The following C22orf42 variants were observed in gnomAD, a reference collection of about 807,000 sequenced individuals.
C22orf42 encodes the protein uncharacterized protein C22orf42.
In C22orf42, 24 loss-of-function variants were observed where a neutral mutation model predicts 31.4. That is an observed-to-expected ratio of 0.77 (90% CI 0.55 to 1.08). The LOEUF (loss-of-function observed/expected upper bound fraction) is 1.08, where lower values mean the gene tolerates loss of function less well. C22orf42 is among the 50% of genes least tolerant of loss of function. The pLI is 0.00. For synonymous variants in C22orf42, 96 were observed against 112.7 expected, an observed-to-expected ratio of 0.85 and a Z score of 0.94; for missense variants, 276 against 327.3, an observed-to-expected ratio of 0.84 and a Z score of 1.21.
In C22orf42 at chr22:32,149,632, A is replaced by T; in HGVS notation, c.683-19T>A. On this transcript the variant is annotated intron_variant, in intron 8 of 8. Transcript: ENST00000382097. ...ACCCAGCCTAGGGGAAAAGAACAAGACTTCATCTCAAAAAAAAAATATATA... is the reference window on the plus strand; with the variant it reads ...ACCCAGCCTAGGGGAAAAGAACAAGTCTTCATCTCAAAAAAAAAATATATA... 1 of 1,417,558 alleles carries T rather than the reference A, an allele frequency of 7.1e-7. No homozygotes were observed. The highest frequency in any genetic ancestry group is 9.2e-7 in the Non-Finnish European group (1 of 1,082,070). The allele number at this position is 1,417,558 out of a possible 1,614,324, so 87.8% of individuals were successfully genotyped here. A position where few individuals can be genotyped will look rare whatever the true frequency, so the allele number is the denominator to read the frequency against.
intron 1 of C22orf42, 34 bp from the exon 2 acceptor site, chr22:32,154,352 G>C (rs759014837): frequency 1.0e-5 from 16 of 1,605,096 alleles, no homozygotes; most frequent in Non-Finnish European, 1.4e-5. Flanking sequence ...ATAGATTCTA[G>C]GAAATGTATT....
chr22:32,160,305 T>G (rs369745594), upstream of C22orf42: 5 of 152,212 alleles, frequency 3.3e-5, no homozygotes, highest in East Asian at 7.7e-4. Flanking sequence ...AGATTAGTAT[T>G]TTTTTTAAAG....
upstream of C22orf42, chr22:32,159,579 C>A (rs62238970): frequency 5.1e-3 from 4,062 of 789,034 alleles, 13 homozygotes; most frequent in Middle Eastern, 9.8e-3. Context: ...GGGCAATGAA[C>A]TCAATAGAAA....
In C22orf42 at chr22:32,149,422, T is replaced by C. The variant is rs1280758299; in HGVS notation, c.*118A>G. ...ACTGCAGGTCACTGTTCACAGGTGCTCAGTAGGAAGAGAGAGAGGCTTGTG... is the reference window on the plus strand; with the variant it reads ...ACTGCAGGTCACTGTTCACAGGTGCCCAGTAGGAAGAGAGAGAGGCTTGTG... On this transcript the variant is annotated 3_prime_UTR_variant, in exon 9 of 9. Coordinates refer to ENST00000382097, the MANE Select transcript of C22orf42 (RefSeq NM_001010859.3). 1 of 1,224,642 alleles carries C rather than the reference T, an allele frequency of 8.2e-7. No individual in the cohort carries two copies. Among genetic ancestry groups the C allele is most frequent in the African/African-American group, 1.5e-5 (1 of 65,582 alleles). 75.9% of individuals were successfully genotyped at this position (1,224,642 alleles called of 1,614,324 possible).
rs1280161631 is a variant in C22orf42 at position 32,151,501 on chromosome 22, T to C, written c.451A>G (p.Ile151Val). ...ATACATCTTACAATATCTGACGTTA[T>C]ATTCTCCTCCACACCGCCGTGTGCA... Reference protein sequence around the residue: ...VSAHGGVEENITSDIEISEAK... With the variant: ...VSAHGGVEENVTSDIEISEAK... The change falls in exon 5 of 9, where the codon ATA becomes GTA. Residue 151 changes from isoleucine to valine, a missense_variant. By Grantham distance (29) the Ile-to-Val change is conservative (BLOSUM62 3). Transcript: ENST00000382097. 6 of 1,613,790 alleles carry C rather than the reference T, an allele frequency of 3.7e-6. No homozygotes were observed. Among genetic ancestry groups the C allele is most frequent in the Non-Finnish European group, 3.4e-6 (4 of 1,179,644 alleles).
intron 5 of C22orf42, among the ~76,000 whole-genome samples, chr22:32,151,231 A>G (rs571317867): frequency 4.4e-4 from 67 of 152,126 alleles, no homozygotes; most frequent in African/African-American, 1.5e-3. Flanking sequence ...TGGCAAATAC[A>G]AAATTATTTT....
intron 7 of C22orf42, 39 bp from the exon 8 acceptor site, chr22:32,149,819 C>G (rs1339720331): frequency 2.0e-6 from 3 of 1,466,676 alleles, no homozygotes; most frequent in Non-Finnish European, 2.7e-6. Context: ...AGGATCGGAT[C>G]ATGCTGGGCC....
chr22:32,152,398 C>T (rs1921011948), intron 3 of C22orf42, among the ~76,000 whole-genome samples, 164 bp downstream of exon 3: 2 of 152,194 alleles, frequency 1.3e-5, no homozygotes, highest in Admixed American at 1.3e-4. Flanking sequence ...CGGCCATCGT[C>T]AATCAGGCCT....
In C22orf42 at chr22:32,152,838, C is replaced by G. The variant is rs143520143; in HGVS notation, c.308-212G>C. On this transcript the variant is annotated intron_variant, in intron 2 of 8. Coordinates refer to ENST00000382097, the MANE Select transcript of C22orf42 (RefSeq NM_001010859.3). ...AAGAGCCTTGGCTTTCCAGCTAGGG[C>G]AACCTCATCAATGTCACCTTAAGAA... 1.1e-4 allele frequency among the ~76,000 whole-genome samples: 17 copies of G among 152,284 alleles called. No individual in the cohort carries two copies. In the South Asian group the frequency reaches 3.3e-3, roughly 30 times the overall value.
Position 32,149,578 on chromosome 22 carries a change from G to A in C22orf42, c.718C>T (p.Pro240Ser), listed in dbSNP as rs759975893. 3 of 1,532,380 alleles carry A rather than the reference G, an allele frequency of 2.0e-6. No individual in the cohort carries two copies. Among genetic ancestry groups the A allele is most frequent in the East Asian group, 2.5e-5 (1 of 40,798 alleles). The allele number at this position is 1,532,380 out of a possible 1,614,324, so 94.9% of individuals were successfully genotyped here. A position where few individuals can be genotyped will look rare whatever the true frequency, so the allele number is the denominator to read the frequency against. Residue 240 changes from proline to serine, a missense_variant, in exon 9 of 9, where the codon CCC (proline) becomes TCC (serine). Coordinates refer to ENST00000382097, the MANE Select transcript of C22orf42 (RefSeq NM_001010859.3). ...AGTCCTAGAACCTGGCTGCTGATGG[G>A]TTCATTGAGCCGAGACCGTGCCATC... ...VKMARSRLNE[P>S]ISSQVLGLLR...
chr22:32,157,059 C>G (rs1329046127), intron 1 of C22orf42, among the ~76,000 whole-genome samples: 2 of 152,202 alleles, frequency 1.3e-5, no homozygotes, highest in Non-Finnish European at 2.9e-5. Context: ...ATTTGCCTTT[C>G]TCTTATGTGT....
At chr22:32,150,878 A>G (rs2094111882) in intron 6 of C22orf42, 114 bp downstream of exon 6, 10 of 1,087,430 alleles carry the variant, frequency 9.2e-6, no homozygotes, top group African/African-American at 3.2e-5. Flanking sequence ...GATTGTAACA[A>G]TGGTTGCACA....
intron 3 of C22orf42, 123 bp downstream of exon 3, chr22:32,152,439 C>G (rs1316118926): frequency 3.5e-6 from 3 of 858,016 alleles, no homozygotes; most frequent in Admixed American, 4.2e-5. Flanking sequence ...TGACCGGTCT[C>G]TAGAGTCCAT....
At position 32,149,627 on chromosome 22, in the gene C22orf42, A is replaced by T. The variant is rs559028285; in HGVS notation, c.683-14T>A. 4 of 1,448,866 alleles carry T rather than the reference A, an allele frequency of 2.8e-6. No homozygotes were observed. The South Asian group carries it at 6.3e-5, about 23-fold the overall frequency. The allele number at this position is 1,448,866 out of a possible 1,614,324, so 89.8% of individuals were successfully genotyped here. A position where few individuals can be genotyped will look rare whatever the true frequency, so the allele number is the denominator to read the frequency against. Reference sequence around the variant, plus strand: ...TCTTAACCCAGCCTAGGGGAAAAGAACAAGACTTCATCTCAAAAAAAAAAT... The same window carrying T: ...TCTTAACCCAGCCTAGGGGAAAAGATCAAGACTTCATCTCAAAAAAAAAAT... On this transcript the variant is annotated splice_polypyrimidine_tract_variant and intron_variant, in intron 8 of 8. Transcript: ENST00000382097.
chr22:32,157,323 G>A lies in C22orf42; in HGVS notation c.232+1661C>T, dbSNP rs796750440. On this transcript the variant is annotated intron_variant, in intron 1 of 8. Coordinates refer to ENST00000382097, the MANE Select transcript of C22orf42 (RefSeq NM_001010859.3). ...CCGCTGGTCAGTCTTCTTCTTGGAG[G>A]ATTAACAGTAATCCCCAGGCTGTAA... 1.6e-4 allele frequency among the ~76,000 whole-genome samples: 25 copies of A among 151,832 alleles called. 1 individual carries two copies. The highest frequency in any genetic ancestry group is 5.1e-4 in the African/African-American group (21 of 41,182).
At chr22:32,158,917 C>G in intron 1 of C22orf42, 67 bp downstream of exon 1, 1 of 1,565,224 alleles carries the variant, frequency 6.4e-7, no homozygotes, top group Non-Finnish European at 8.8e-7. Context: ...TGAGGGACTG[C>G]AAAGGGGTGG....
intron 1 of C22orf42, among the ~76,000 whole-genome samples, chr22:32,155,101 G>T (rs559854808): frequency 5.1e-4 from 77 of 152,156 alleles, no homozygotes; most frequent in Non-Finnish European, 1.5e-4. Flanking sequence ...GAAGATCTGG[G>T]ACAAGAATGT....
chr22:32,159,048 C>T lies in C22orf42; in HGVS notation c.168G>A (p.Lys56=). 6.2e-7 allele frequency: 1 copy of T among 1,614,220 alleles called. No homozygotes were observed. Among genetic ancestry groups the T allele is most frequent in the Non-Finnish European group, 8.5e-7 (1 of 1,180,038 alleles). The change falls in exon 1 of 9, where the codon AAG becomes AAA. Residue 56 remains lysine (K), a synonymous_variant. Coordinates refer to ENST00000382097, the MANE Select transcript of C22orf42 (RefSeq NM_001010859.3). ...TGAGGTACTGCATGAGTTGGGCCTT[C>T]TTAGCTTTCAAATCCAATTTGGCAG... The part of the protein sequence containing the change: ...AKPAKLDLKA[K]KAQLMQYLSL...
intron 4 of C22orf42, 120 bp from the exon 5 acceptor site, chr22:32,151,671 T>G (rs532821404): frequency 4.4e-6 from 4 of 899,430 alleles, no homozygotes; most frequent in Non-Finnish European, 7.4e-6. Flanking sequence ...AGGCATGGAC[T>G]GAGCTGCTGC....
Sources: allele counts gnomAD v4.1 joint callset (sites outside exome capture counted in the v4.1 genomes callset), GRCh38; gene constraint gnomAD v4.1.1; transcripts MANE v1.5; gene names NCBI Gene and HGNC (gene_info 2026-07-23, HGNC 2026-07-21).